MNAT1: variants seen among roughly 807,000 people sequenced by gnomAD.
MNAT1 encodes MNAT1 component of CDK activating kinase.
MNAT1 carries 43 observed loss-of-function variants against 42.0 expected under a neutral mutation model. That is an observed-to-expected ratio of 1.02 (90% CI 0.80 to 1.32). The LOEUF is 1.32. MNAT1 is among the 40% of genes most tolerant of loss of function. The probability of loss-of-function intolerance (pLI) is 0.00; values close to 1 mark genes in which losing one functional copy is unlikely to be tolerated. For missense variants in MNAT1, 306 were observed against 350.4 expected (o/e 0.87, Z 1.01); for synonymous variants, 118 against 120.0 (o/e 0.98, Z 0.11).
chr14:60,783,726 G>A (rs568498156), intron 1 of MNAT1, among the ~76,000 whole-genome samples: 4 of 152,300 alleles, frequency 2.6e-5, no homozygotes, highest in Non-Finnish European at 4.4e-5. Flanking sequence ...TCGATCTCCT[G>A]ACCTCGTGAT....
intron 7 of MNAT1, among the ~76,000 whole-genome samples, chr14:60,911,514 G>C (rs1215384668): frequency 1.1e-4 from 17 of 152,000 alleles, no homozygotes; most frequent in Non-Finnish European, 2.1e-4. Flanking sequence ...AGAGATTCTG[G>C]TATGTTGTGT....
intron 6 of MNAT1, among the ~76,000 whole-genome samples, chr14:60,822,256 ATGAAT>A (rs2032910730): frequency 6.6e-6 from 1 of 152,148 alleles, no homozygotes; most frequent in Non-Finnish European, 1.5e-5. Context: ...TAAAAATGAA[ATGAAT>A]TGGAATGGCG....
At chr14:60,757,817 A>G (rs2030423175) in intron 1 of MNAT1, among the ~76,000 whole-genome samples, 1 of 152,098 alleles carries the variant, frequency 6.6e-6, no homozygotes, top group Admixed American at 6.5e-5. Flanking sequence ...ATTGATTCTG[A>G]TGCTTTACTT....
chr14:60,924,399 A>C (rs1310013129), intron 7 of MNAT1, among the ~76,000 whole-genome samples: 1 of 151,766 alleles, frequency 6.6e-6, no homozygotes, highest in Admixed American at 6.6e-5. Flanking sequence ...AAAAAAAAAA[A>C]AAACTGTACT....
chr14:60,820,209 A>G (rs1238228703), intron 6 of MNAT1, among the ~76,000 whole-genome samples: 1 of 152,150 alleles, frequency 6.6e-6, no homozygotes, highest in African/African-American at 2.4e-5. Flanking sequence ...TTCAGATGAC[A>G]CAATGTAGCT....
chr14:60,859,715 T>C (rs2034050257), intron 6 of MNAT1, among the ~76,000 whole-genome samples: 1 of 152,216 alleles, frequency 6.6e-6, no homozygotes, highest in Non-Finnish European at 1.5e-5. Flanking sequence ...AGTAAAATCA[T>C]GCAGTTCAGT....
chr14:60,858,433 T>A (rs1369501018), intron 6 of MNAT1, among the ~76,000 whole-genome samples: 7 of 151,722 alleles, frequency 4.6e-5, no homozygotes, highest in Non-Finnish European at 1.0e-4. Context: ...TTTTTTTTTT[T>A]ATAAATTTGT....
In MNAT1 at chr14:60,800,196, G is replaced by A. The variant is rs180691084; in HGVS notation, c.316+2036G>A. 9.9e-3 allele frequency among the ~76,000 whole-genome samples: 1,503 copies of A among 151,990 alleles called. 14 individuals carry two copies. The highest frequency in any genetic ancestry group is 0.035 in the African/African-American group (1,449 of 41,474). On this transcript the variant is annotated intron_variant, in intron 3 of 7. Transcript: ENST00000261245. The stretch of plus-strand genomic sequence containing the variant: ...AATATTTAAAGTGTGTAAGGTTGGG[G>A]AAAAAATTGTAAAACTCTAGAAGGA...
intron 6 of MNAT1, among the ~76,000 whole-genome samples, chr14:60,855,355 G>T (rs1361687184): frequency 8.6e-5 from 13 of 151,950 alleles, no homozygotes; most frequent in Admixed American, 4.6e-4. Context: ...GGTGCCACTG[G>T]GTTATAAAAA....
rs769612308 is a variant in MNAT1 at position 60,969,713 on chromosome 14, C to T, written c.*1364C>T. The stretch of plus-strand genomic sequence containing the variant: ...TTTAAGTACAGTCTATAAATCTGTT[C>T]AAAGAATAGTTAGAACATTGAATGT... On this transcript the variant is annotated 3_prime_UTR_variant, in exon 8 of 8. Transcript: ENST00000261245. 1.3e-5 allele frequency: 2 copies of T among 151,824 alleles called. No homozygotes were observed. The highest frequency in any genetic ancestry group is 2.9e-5 in the Non-Finnish European group (2 of 67,958). The allele number at this position is 151,824 out of a possible 1,614,324, so 9.4% of individuals were successfully genotyped here. A position where few individuals can be genotyped will look rare whatever the true frequency, so the allele number is the denominator to read the frequency against.
At chr14:60,769,051 C>G (rs1006675778) in intron 1 of MNAT1, among the ~76,000 whole-genome samples, 21 of 151,914 alleles carry the variant, frequency 1.4e-4, no homozygotes, top group African/African-American at 4.1e-4. Flanking sequence ...GTGCACTAAC[C>G]CCCTGGGTTG....
intron 1 of MNAT1, among the ~76,000 whole-genome samples, chr14:60,759,649 C>T (rs1014261200): frequency 1.3e-5 from 2 of 152,150 alleles, no homozygotes; most frequent in Non-Finnish European, 2.9e-5. Context: ...CAATAACCTT[C>T]TCAAAAGGAG....
intron 7 of MNAT1, among the ~76,000 whole-genome samples, chr14:60,947,519 C>T (rs1189602483): frequency 1.3e-5 from 2 of 152,104 alleles, no homozygotes; most frequent in Non-Finnish European, 2.9e-5. Flanking sequence ...CCCTTCTCTA[C>T]TAAAAACACA....
chr14:60,841,257 T>C (rs968948440), intron 6 of MNAT1, among the ~76,000 whole-genome samples: 1 of 152,056 alleles, frequency 6.6e-6, no homozygotes, highest in Non-Finnish European at 1.5e-5. Context: ...TTGTCTATTA[T>C]TTTTCTAGTC....
intron 7 of MNAT1, among the ~76,000 whole-genome samples, chr14:60,917,623 TTC>T (rs2035552091): frequency 2.0e-5 from 3 of 150,944 alleles, no homozygotes; most frequent in Admixed American, 2.0e-4. Context: ...TTTTTTTTGT[TTC>T]TTTTTTGTTT....
At chr14:60,924,498 A>G (rs1400132383) in intron 7 of MNAT1, among the ~76,000 whole-genome samples, 1 of 152,100 alleles carries the variant, frequency 6.6e-6, no homozygotes, top group African/African-American at 2.4e-5. Flanking sequence ...GAAAAAATAA[A>G]TTGAGACAGT....
At chr14:60,879,929 T>C (rs1185800593) in intron 7 of MNAT1, 94 bp downstream of exon 7, 7 of 1,372,262 alleles carry the variant, frequency 5.1e-6, no homozygotes, top group Non-Finnish European at 6.9e-6. Context: ...ATTTTCAGTT[T>C]ATAGAACTTT....
intron 1 of MNAT1, among the ~76,000 whole-genome samples, chr14:60,750,529 CT>C (rs775053270): frequency 0.023 from 2,110 of 90,688 alleles, 18 homozygotes; most frequent in African/African-American, 0.032. Context: ...TGCGCCCAGC[CT>C]TTTTTTTTTT....
At chr14:60,876,606 C>T (rs536058773) in intron 6 of MNAT1, among the ~76,000 whole-genome samples, 2 of 152,124 alleles carry the variant, frequency 1.3e-5, no homozygotes, top group South Asian at 2.1e-4. Flanking sequence ...TCTATGGTAA[C>T]CACTGATCTA....
Sources: gnomAD v4.1 joint callset for allele counts (sites outside exome capture counted in the v4.1 genomes callset) on GRCh38, gnomAD v4.1.1 for gene constraint, MANE v1.5 for transcripts, NCBI Gene and HGNC (gene_info 2026-07-23, HGNC 2026-07-21) for gene names.